TMEM63A: variants seen among roughly 807,000 people sequenced by gnomAD.
TMEM63A encodes transmembrane protein 63A.
In TMEM63A, 76 loss-of-function variants were observed where a neutral mutation model predicts 100.6. The ratio of observed to expected loss-of-function variants is 0.76; its 90% confidence interval spans 0.63 to 0.91. The LOEUF (loss-of-function observed/expected upper bound fraction) is 0.91. Among genes scored for constraint, TMEM63A ranks in the 40% least tolerant of loss-of-function variants. The probability of loss-of-function intolerance (pLI) is 0.00; values close to 1 mark genes in which losing one functional copy is unlikely to be tolerated. For synonymous variants in TMEM63A, 401 were observed against 401.1 expected (o/e 1.00, Z 0.00); for missense variants, 876 against 1,008.8 (o/e 0.87, Z 1.78).
intron 6 of TMEM63A, among the ~76,000 whole-genome samples, 192 bp downstream of exon 6, chr1:225,870,884 C>A (rs1364999649): frequency 6.6e-6 from 1 of 152,236 alleles, no homozygotes; most frequent in Non-Finnish European, 1.5e-5. Context: ...CCTCCTTCCT[C>A]TGCCCCTGAC....
chr1:225,851,302 C>G (rs966924670), intron 20 of TMEM63A, among the ~76,000 whole-genome samples: 5 of 152,200 alleles, frequency 3.3e-5, no homozygotes, highest in Non-Finnish European at 7.3e-5. Context: ...AGGGGTGGCA[C>G]AGGAGCACAC....
chr1:225,857,045 G>A, intron 15 of TMEM63A, 28 bp from the exon 16 acceptor site: 3 of 1,544,460 alleles, frequency 1.9e-6, no homozygotes, highest in Non-Finnish European at 2.6e-6. Context: ...AGCAGAGAGA[G>A]TCACAGGGGC....
chr1:225,864,808 G>C (rs1425194254), intron 10 of TMEM63A: 1 of 152,238 alleles, frequency 6.6e-6, no homozygotes, highest in Non-Finnish European at 1.5e-5. Context: ...CAACAAATTA[G>C]TGGCTGCTGT....
In TMEM63A at chr1:225,862,084, G is replaced by A. The variant is rs920504317; in HGVS notation, c.1085+134C>T. ...AAAGTGAGTGTGGGTAGCTGAGGGA[G>A]GAGAAGGAAACACCACAGATAAATC... On this transcript the variant is annotated intron_variant, in intron 13 of 24. Coordinates refer to ENST00000366835, the MANE Select transcript of TMEM63A (RefSeq NM_014698.3). This position sits in a 1 kb window ranked among gnomAD's most constrained non-coding sequence, Gnocchi z 5.1. 3 of 1,343,254 alleles carry A rather than the reference G, an allele frequency of 2.2e-6. No individual in the cohort carries two copies. Among genetic ancestry groups the A allele is most frequent in the Non-Finnish European group, 1.0e-6 (1 of 991,948 alleles). 83.2% of individuals were successfully genotyped at this position (1,343,254 alleles called of 1,614,324 possible).
intron 8 of TMEM63A, 191 bp from the exon 9 acceptor site, chr1:225,866,873 T>A (rs1408473750): frequency 6.0e-6 from 4 of 671,906 alleles, no homozygotes; most frequent in Non-Finnish European, 1.0e-5. Flanking sequence ...GGGGTCCCCA[T>A]CCCTGTCCTG....
chr1:225,872,259 C>G (rs1345662830), intron 4 of TMEM63A, among the ~76,000 whole-genome samples: 1 of 152,158 alleles, frequency 6.6e-6, no homozygotes, highest in Non-Finnish European at 1.5e-5. Context: ...TGGTATAAAA[C>G]TCTATGTTAT....
downstream of TMEM63A, chr1:225,845,480 C>T (rs1668898223): frequency 1.1e-6 from 1 of 879,734 alleles, no homozygotes; most frequent in Non-Finnish European, 1.8e-6. Context: ...CGCTCACCCC[C>T]TCACCCCTCC....
At chr1:225,866,033 C>T in intron 9 of TMEM63A, 66 bp from the exon 10 acceptor site, 1 of 1,530,182 alleles carries the variant, frequency 6.5e-7, no homozygotes, top group Non-Finnish European at 9.0e-7. Flanking sequence ...GCTCAGGTTT[C>T]CTACCCAACT....
chr1:225,879,894 A>G (rs1671004119), intron 1 of TMEM63A, among the ~76,000 whole-genome samples: 1 of 152,202 alleles, frequency 6.6e-6, no homozygotes, highest in Non-Finnish European at 1.5e-5. Context: ...GAAAGAAAAA[A>G]CATCCCCATA....
In TMEM63A at chr1:225,850,092, G is replaced by A; in HGVS notation, c.1904-13C>T. 2 of 1,613,804 alleles carry A rather than the reference G, an allele frequency of 1.2e-6. No homozygotes were observed. The highest frequency in any genetic ancestry group is 1.7e-5 in the Admixed American group (1 of 60,008). On this transcript the variant is annotated splice_polypyrimidine_tract_variant and intron_variant, in intron 20 of 24. Transcript: ENST00000366835. The stretch of plus-strand genomic sequence containing the variant: ...ATGTAGATGAGGCCTGCAGGGGATG[G>A]GGCTGTGAGCTGGAGACCTCGCAGG...
chr1:225,852,783 G>A lies in TMEM63A; in HGVS notation c.1798-14C>T. 1 of 1,611,194 alleles carries A rather than the reference G, an allele frequency of 6.2e-7. No homozygotes were observed. Among genetic ancestry groups the A allele is most frequent in the Non-Finnish European group, 8.5e-7 (1 of 1,177,570 alleles). On this transcript the variant is annotated splice_polypyrimidine_tract_variant and intron_variant, in intron 19 of 24. Coordinates refer to ENST00000366835, the MANE Select transcript of TMEM63A (RefSeq NM_014698.3). ...GAAGGCCTGGTTCTGGGAGGAGGAGGTGGTGAGGAGCTCATGGACTTGTTC... is the reference window on the plus strand; with the variant it reads ...GAAGGCCTGGTTCTGGGAGGAGGAGATGGTGAGGAGCTCATGGACTTGTTC...
rs772076573 is a variant in TMEM63A at position 225,874,369 on chromosome 1, T to A, written c.187-2A>T. The A allele has an allele frequency of 6.2e-7, 1 of 1,611,912 alleles. No homozygotes were observed. Among genetic ancestry groups the A allele is most frequent in the South Asian group, 1.1e-5 (1 of 90,788 alleles). On this transcript the variant is annotated splice_acceptor_variant, in intron 3 of 24. Coordinates refer to ENST00000366835, the MANE Select transcript of TMEM63A (RefSeq NM_014698.3). LOFTEE classifies it high-confidence loss of function. ...AATAGAAAACACCAAGATTAAGAAC[T>A]AAAAACAGAAAAGAAACCAAGTAAA...
At position 225,845,737 on chromosome 1, in the gene TMEM63A, C is replaced by T. The variant is rs1559029513; in HGVS notation, c.*1202G>A. 4 of 337,246 alleles carry T rather than the reference C, an allele frequency of 1.2e-5. No individual in the cohort carries two copies. The highest frequency in any genetic ancestry group is 2.1e-5 in the African/African-American group (1 of 47,110). The allele number at this position is 337,246 out of a possible 1,614,324, so 20.9% of individuals were successfully genotyped here. ...ATGGCACCGCCCCCACCCCTCCCAG[C>T]GCAGGGGCAGCTTGGAGCAGAGGCA... On this transcript the variant is annotated 3_prime_UTR_variant, in exon 25 of 25. Transcript: ENST00000366835.
downstream of TMEM63A, chr1:225,840,963 C>G (rs909686281): frequency 6.6e-6 from 1 of 152,152 alleles, no homozygotes; most frequent in Non-Finnish European, 1.5e-5. Flanking sequence ...CTTAAAAATG[C>G]AAAAAGTACA....
Position 225,874,334 on chromosome 1 carries a change from T to A in TMEM63A, c.220A>T (p.Arg74Ter), listed in dbSNP as rs1371394796. The A allele has an allele frequency of 1.8e-5, 29 of 1,614,028 alleles. No homozygotes were observed. The highest frequency in any genetic ancestry group is 2.2e-5 in the Non-Finnish European group (26 of 1,180,012). The stretch of plus-strand genomic sequence containing the variant: ...GCAATGCGGCCATAGTCCCAGAATC[T>A]TCTTCTTATAATAGAAAACACCAAG... ...LILVFSIIRR[R>*]FWDYGRIALV... The change falls in exon 4 of 25, where the codon AGA becomes TGA. Residue 74 changes from arginine to a stop codon, truncating the protein, a stop_gained. Coordinates refer to ENST00000366835, the MANE Select transcript of TMEM63A (RefSeq NM_014698.3). LOFTEE classifies it high-confidence loss of function.
chr1:225,856,008 A>G (rs1669593439), intron 17 of TMEM63A, 68 bp from the exon 18 acceptor site: 15 of 1,531,192 alleles, frequency 9.8e-6, no homozygotes, highest in Non-Finnish European at 1.1e-5. Flanking sequence ...ACATGCTTTC[A>G]TTTTCTTTTG....
intron 20 of TMEM63A, among the ~76,000 whole-genome samples, chr1:225,851,062 A>G (rs868738938): frequency 5.9e-5 from 9 of 152,094 alleles, no homozygotes; most frequent in Non-Finnish European, 1.0e-4. Flanking sequence ...CAGACCCTGC[A>G]CCAAGGGAGT....
rs773473042 is a variant in TMEM63A at position 225,860,845 on chromosome 1, G to C, written c.1223+15C>G. 6.3e-7 allele frequency: 1 copy of C among 1,588,392 alleles called. No homozygotes were observed. Among genetic ancestry groups the C allele is most frequent in the Non-Finnish European group, 8.6e-7 (1 of 1,166,638 alleles). ...CCAGGCCTCTCTCCCACCTCTCCTT[G>C]GTCTAGGAGCTTACCAGCAGATGTC... On this transcript the variant is annotated intron_variant, in intron 14 of 24. Coordinates refer to ENST00000366835, the MANE Select transcript of TMEM63A (RefSeq NM_014698.3).
chr1:225,855,832 T>C, intron 18 of TMEM63A, 46 bp downstream of exon 18: 1 of 1,596,578 alleles, frequency 6.3e-7, no homozygotes, highest in South Asian at 1.1e-5. Context: ...CCTGTGGGAC[T>C]TTCACCCAGG....
Sources: allele counts gnomAD v4.1 joint callset (sites outside exome capture counted in the v4.1 genomes callset), GRCh38; gene constraint gnomAD v4.1.1; non-coding constraint Gnocchi (gnomAD v3.1); transcripts MANE v1.5; gene names NCBI Gene and HGNC (gene_info 2026-07-23, HGNC 2026-07-21).